The following KCNH7 variants were observed in gnomAD, a reference collection of about 807,000 sequenced individuals.
KCNH7 encodes the protein potassium voltage-gated channel subfamily H member 7, also known as voltage-gated inwardly rectifying potassium channel KCNH7.
In KCNH7, 49 loss-of-function variants were observed where a neutral mutation model predicts 120.8. The observed-to-expected ratio is 0.41, with a 90% CI of 0.32 to 0.51. KCNH7 has a LOEUF of 0.51. Among genes scored for constraint, KCNH7 ranks in the 20% least tolerant of loss-of-function variants. The probability of loss-of-function intolerance (pLI) is 0.38; values close to 1 mark genes in which losing one functional copy is unlikely to be tolerated. For missense variants in KCNH7, 1,097 were observed against 1,446.6 expected, an observed-to-expected ratio of 0.76 and a Z score of 3.92; for synonymous variants, 547 against 516.1, an observed-to-expected ratio of 1.06 and a Z score of -0.81.
At chr2:162,480,035 A>G (rs1223360983) in intron 6 of KCNH7, among the ~76,000 whole-genome samples, 1 of 152,194 alleles carries the variant, frequency 6.6e-6, no homozygotes. Flanking sequence ...TAAGAGTTTA[A>G]TGAAGCTATT....
At chr2:162,502,149 G>T (rs1385434399) in intron 6 of KCNH7, 2 of 151,988 alleles carry the variant, frequency 1.3e-5, no homozygotes, top group Non-Finnish European at 2.9e-5. Flanking sequence ...CTTTGTTCTT[G>T]TGTTTTTTTC....
chr2:162,448,405 C>A (rs1688657377), intron 6 of KCNH7, among the ~76,000 whole-genome samples: 1 of 152,110 alleles, frequency 6.6e-6, no homozygotes, highest in Admixed American at 6.6e-5. Context: ...CCCATTCCAT[C>A]TTTCTAGTCC....
chr2:162,586,702 T>C (rs956483024), intron 2 of KCNH7, among the ~76,000 whole-genome samples: 1 of 151,102 alleles, frequency 6.6e-6, no homozygotes, highest in Non-Finnish European at 1.5e-5. Context: ...AGAAATACAA[T>C]GTTGAATTTA....
intron 2 of KCNH7, among the ~76,000 whole-genome samples, chr2:162,803,745 TA>T (rs1684429974): frequency 6.6e-6 from 1 of 151,848 alleles, no homozygotes; most frequent in East Asian, 1.9e-4. Flanking sequence ...ATATTTAGCA[TA>T]AAAAAGGAAC....
At chr2:162,609,845 C>G (rs1216807649) in intron 2 of KCNH7, among the ~76,000 whole-genome samples, 1 of 152,126 alleles carries the variant, frequency 6.6e-6, no homozygotes, top group Admixed American at 6.5e-5. Context: ...CAGTGCATAA[C>G]ACTCTGGGGA....
intron 2 of KCNH7, among the ~76,000 whole-genome samples, chr2:162,774,684 C>T (rs1019331807): frequency 2.0e-5 from 3 of 152,112 alleles, no homozygotes; most frequent in Non-Finnish European, 2.9e-5. Context: ...GCCCTCAAAA[C>T]AAACTTTTTA....
chr2:162,767,384 C>T (rs1185637183), intron 2 of KCNH7, among the ~76,000 whole-genome samples: 2 of 151,978 alleles, frequency 1.3e-5, no homozygotes, highest in African/African-American at 4.8e-5. Flanking sequence ...TAAATGAAAG[C>T]TTGGTCCTCA....
chr2:162,829,921 T>C (rs925682527), intron 2 of KCNH7, among the ~76,000 whole-genome samples: 1 of 151,376 alleles, frequency 6.6e-6, no homozygotes, highest in African/African-American at 2.4e-5. Context: ...ATACTAACAG[T>C]GCACTCACTT....
chr2:162,501,971 A>G (rs1690701972), intron 6 of KCNH7: 1 of 152,148 alleles, frequency 6.6e-6, no homozygotes, highest in Non-Finnish European at 1.5e-5. Context: ...GACCAAAAAA[A>G]ATGCAAAGCT....
intron 9 of KCNH7, among the ~76,000 whole-genome samples, chr2:162,401,707 T>C (rs541932182): frequency 6.6e-6 from 1 of 152,014 alleles, no homozygotes; most frequent in African/African-American, 2.4e-5. Context: ...ACCTGAAGCA[T>C]AATAGTCATG....
chr2:162,414,484 G>C (rs927439693), intron 9 of KCNH7, among the ~76,000 whole-genome samples: 1 of 151,440 alleles, frequency 6.6e-6, no homozygotes, highest in East Asian at 1.9e-4. Flanking sequence ...ACTATGGAAT[G>C]TACATGCCAT....
intron 2 of KCNH7, among the ~76,000 whole-genome samples, chr2:162,646,758 A>G (rs1684372668): frequency 6.6e-6 from 1 of 152,150 alleles, no homozygotes; most frequent in Non-Finnish European, 1.5e-5. Flanking sequence ...AGAAAAAGGG[A>G]CATCAGATAC....
chr2:162,615,957 T>C (rs994997107), intron 2 of KCNH7, among the ~76,000 whole-genome samples: 2 of 152,230 alleles, frequency 1.3e-5, no homozygotes, highest in African/African-American at 4.8e-5. Context: ...TCTCACTAAA[T>C]TAGAAGTTAC....
intron 2 of KCNH7, among the ~76,000 whole-genome samples, chr2:162,711,554 C>T (rs1158380397): frequency 1.3e-5 from 2 of 152,206 alleles, no homozygotes; most frequent in South Asian, 4.1e-4. Flanking sequence ...AAATTTAGTT[C>T]TTATTTTTTT....
chr2:162,812,620 A>G (rs1017425470), intron 2 of KCNH7, among the ~76,000 whole-genome samples: 3 of 152,112 alleles, frequency 2.0e-5, no homozygotes, highest in Non-Finnish European at 4.4e-5. Context: ...GGTTTTAGCC[A>G]TGTTAATCTT....
chr2:162,618,135 C>T (rs1683214615), intron 2 of KCNH7, among the ~76,000 whole-genome samples: 1 of 151,644 alleles, frequency 6.6e-6, no homozygotes, highest in Non-Finnish European at 1.5e-5. Context: ...AACAAAAGAC[C>T]GATTAGGTTT....
At chr2:162,651,308 C>A (rs147336978) in intron 2 of KCNH7, among the ~76,000 whole-genome samples, 1 of 152,140 alleles carries the variant, frequency 6.6e-6, no homozygotes, top group Admixed American at 6.5e-5. Flanking sequence ...ATTATTTCAT[C>A]AACCAGGCAT....
rs73014853 is a variant in KCNH7 at position 162,406,814 on chromosome 2, C to T, written c.2155-6373G>A. ...TTTTGTTGTTTGTAAAAGCTAACGT[C>T]CCAACATAATGGATTCTGTAATTTC... On this transcript the variant is annotated intron_variant, in intron 9 of 15. Transcript: ENST00000332142. Among the ~76,000 whole-genome samples, 387 of 152,078 alleles carry T rather than the reference C, an allele frequency of 2.5e-3. 2 individuals carry two copies. Among genetic ancestry groups the T allele is most frequent in the African/African-American group, 8.5e-3 (355 of 41,538 alleles).
chr2:162,752,902 G>GAAAA lies in KCNH7; in HGVS notation c.307+83631_307+83634dup, dbSNP rs140501872. On this transcript the variant is annotated intron_variant, in intron 2 of 15. Transcript: ENST00000332142. ...GGCAAAAGAGCAAGACTACATCTCA[G>GAAAA]AAAAAGAAAAGAAAAGAAAAGAAAA... 2.4e-4 allele frequency among the ~76,000 whole-genome samples: 15 copies of GAAAA among 61,280 alleles called. 1 individual carries two copies. Among genetic ancestry groups the GAAAA allele is most frequent in the South Asian group, 9.6e-4 (2 of 2,084 alleles). The allele number at this position is 61,280 out of a possible 152,430, so 40.2% of individuals were successfully genotyped here.
Sources: gnomAD v4.1 joint callset for allele counts (sites outside exome capture counted in the v4.1 genomes callset) on GRCh38, gnomAD v4.1.1 for gene constraint, MANE v1.5 for transcripts, NCBI Gene and HGNC (gene_info 2026-07-23, HGNC 2026-07-21) for gene names.